The following SCG5 variants were observed in gnomAD, a reference collection of about 807,000 sequenced individuals.
SCG5 encodes the protein secretogranin V.
SCG5 carries 18 observed loss-of-function variants against 25.7 expected under a neutral mutation model. The ratio of observed to expected loss-of-function variants is 0.70; its 90% CI spans 0.48 to 1.04. The LOEUF (loss-of-function observed/expected upper bound fraction) is 1.04, where lower values mean the gene tolerates loss of function less well. Among genes scored for constraint, SCG5 ranks in the 50% least tolerant of loss-of-function variants. The pLI is 0.00. For synonymous variants in SCG5, 101 were observed against 91.7 expected (o/e 1.10, Z -0.58); for missense variants, 206 against 259.8 (o/e 0.79, Z 1.42).
chr15:32,661,568 C>T (rs1020700782), intron 2 of SCG5, among the ~76,000 whole-genome samples: 11 of 151,974 alleles, frequency 7.2e-5, no homozygotes, highest in Non-Finnish European at 1.2e-4. Flanking sequence ...TGCGGTGAGC[C>T]GAGATTGCAC....
chr15:32,678,111 G>T (rs1397184436), intron 2 of SCG5, among the ~76,000 whole-genome samples: 2 of 152,156 alleles, frequency 1.3e-5, no homozygotes, highest in Non-Finnish European at 2.9e-5. Flanking sequence ...AAAATTAAAA[G>T]AATGATCCAA....
At chr15:32,687,790 G>A (rs776694667) in intron 4 of SCG5, among the ~76,000 whole-genome samples, 7 of 151,976 alleles carry the variant, frequency 4.6e-5, no homozygotes, top group East Asian at 1.9e-4. Flanking sequence ...TTCTCTCTTC[G>A]TTAGTGCATC....
intron 2 of SCG5, among the ~76,000 whole-genome samples, chr15:32,657,220 T>TATATATATATATA (rs71113464): frequency 2.3e-4 from 24 of 106,536 alleles, no homozygotes; most frequent in Non-Finnish European, 3.7e-4. Context: ...TATGTATGTA[T>TATATATATATATA]TTCCAGGTGT....
At chr15:32,687,991 C>A (rs554349224) in intron 4 of SCG5, among the ~76,000 whole-genome samples, 3 of 152,278 alleles carry the variant, frequency 2.0e-5, no homozygotes, top group Admixed American at 1.3e-4. Flanking sequence ...TAATCTTATT[C>A]AATCTGCCCA....
Position 32,692,060 on chromosome 15 carries a change from T to TG in SCG5, c.543+303dup, listed in dbSNP as rs1021310256. The TG allele has an allele frequency of 7.3e-6, 9 of 1,240,630 alleles. No individual in the cohort carries two copies. In the African/African-American group the frequency reaches 9.3e-5, roughly 13 times the overall value. 76.9% of individuals were successfully genotyped at this position (1,240,630 alleles called of 1,614,324 possible). ...TTCCCCCATCAGTGTGGGACATATC[T>TG]GGGGGGACATGAGGGTCTGTCTGCC... On this transcript the variant is annotated intron_variant, in intron 5 of 5. Coordinates refer to ENST00000300175, the MANE Select transcript of SCG5 (RefSeq NM_001144757.3).
intron 2 of SCG5, among the ~76,000 whole-genome samples, chr15:32,668,589 C>G (rs537971664): frequency 1.3e-5 from 2 of 152,358 alleles, no homozygotes; most frequent in Non-Finnish European, 1.5e-5. Context: ...CCCTGCCACT[C>G]CCACCTCATC....
At position 32,646,636 on chromosome 15, in the gene SCG5, T is replaced by C. The variant is rs943528116; in HGVS notation, c.226+2818T>C. Among the ~76,000 whole-genome samples the C allele has an allele frequency of 4.6e-5, 7 of 152,216 alleles. No individual in the cohort carries two copies. In the East Asian group the frequency reaches 1.3e-3, roughly 29 times the overall value. The stretch of plus-strand genomic sequence containing the variant: ...GGAGTCTTCCTAGAATTGTATACTA[T>C]AGCTAGGATGAAAACTAACAAAGAA... On this transcript the variant is annotated intron_variant, in intron 2 of 5. Coordinates refer to ENST00000300175, the MANE Select transcript of SCG5 (RefSeq NM_001144757.3).
intron 5 of SCG5, 44 bp from the exon 6 acceptor site, chr15:32,696,470 C>T: frequency 7.4e-7 from 1 of 1,354,728 alleles, no homozygotes; most frequent in Non-Finnish European, 1.0e-6. Context: ...CTGATGTTCA[C>T]ATATAACACC....
chr15:32,648,266 G>A (rs892155615), intron 2 of SCG5, among the ~76,000 whole-genome samples: 3 of 152,034 alleles, frequency 2.0e-5, no homozygotes, highest in Non-Finnish European at 2.9e-5. Flanking sequence ...GCAATTTCCT[G>A]TCTGCTTCTC....
intron 2 of SCG5, among the ~76,000 whole-genome samples, chr15:32,671,016 G>A (rs1278696038): frequency 2.0e-5 from 3 of 152,210 alleles, no homozygotes; most frequent in African/African-American, 7.2e-5. Context: ...ACCAGGTACT[G>A]AGGTAAGCAT....
At chr15:32,656,776 G>A (rs916687891) in intron 2 of SCG5, among the ~76,000 whole-genome samples, 11 of 152,312 alleles carry the variant, frequency 7.2e-5, no homozygotes, top group African/African-American at 1.2e-4. Context: ...ACCACAGTTC[G>A]TAAAGAGAAC....
intron 2 of SCG5, among the ~76,000 whole-genome samples, chr15:32,673,515 G>T (rs2054475602): frequency 1.7e-5 from 2 of 114,452 alleles, no homozygotes; most frequent in South Asian, 3.0e-4. Context: ...ATCCACATTT[G>T]GATAAGATCC....
chr15:32,693,035 T>C (rs1278727145), intron 5 of SCG5, among the ~76,000 whole-genome samples: 1 of 152,154 alleles, frequency 6.6e-6, no homozygotes, highest in Non-Finnish European at 1.5e-5. Flanking sequence ...CCAAAGGGTA[T>C]AATGTGGTCT....
intron 2 of SCG5, among the ~76,000 whole-genome samples, chr15:32,663,656 C>G (rs1442940170): frequency 2.0e-5 from 3 of 152,150 alleles, no homozygotes; most frequent in African/African-American, 7.2e-5. Context: ...TCCAGGAATT[C>G]AAATATGGTA....
At chr15:32,692,183 G>A in intron 5 of SCG5, 3 of 1,015,764 alleles carry the variant, frequency 3.0e-6, no homozygotes, top group Non-Finnish European at 3.5e-6. Context: ...TGAACTGCAT[G>A]CTCCAGGAAA....
intron 3 of SCG5, among the ~76,000 whole-genome samples, chr15:32,683,966 A>G (rs1031830937): frequency 1.3e-5 from 2 of 152,224 alleles, no homozygotes; most frequent in African/African-American, 4.8e-5. Flanking sequence ...ACAAATAAAA[A>G]CATTGTATGG....
At chr15:32,676,376 C>T (rs2054530775) in intron 2 of SCG5, among the ~76,000 whole-genome samples, 1 of 152,190 alleles carries the variant, frequency 6.6e-6, no homozygotes, top group Non-Finnish European at 1.5e-5. Context: ...TTGCTTCCTT[C>T]ATTAATTACT....
chr15:32,691,774 C>G lies in SCG5; in HGVS notation c.543+11C>G. The G allele has an allele frequency of 6.2e-7, 1 of 1,611,892 alleles. No homozygotes were observed. Among genetic ancestry groups the G allele is most frequent in the South Asian group, 1.1e-5 (1 of 90,400 alleles). On this transcript the variant is annotated intron_variant, in intron 5 of 5. Coordinates refer to ENST00000300175, the MANE Select transcript of SCG5 (RefSeq NM_001144757.3). ...AGACGAAAGCGGAGGGTAACACGTG[C>G]CTGGCTGGATTGTTGCGGGGATGCT...
chr15:32,675,892 C>T (rs1326409371), intron 2 of SCG5, among the ~76,000 whole-genome samples: 1 of 152,136 alleles, frequency 6.6e-6, no homozygotes, highest in Non-Finnish European at 1.5e-5. Flanking sequence ...GTGCTCAATG[C>T]ATATTTTTAG....
Sources: gnomAD v4.1 joint callset for allele counts (sites outside exome capture counted in the v4.1 genomes callset) on GRCh38, gnomAD v4.1.1 for gene constraint, MANE v1.5 for transcripts, NCBI Gene and HGNC (gene_info 2026-07-23, HGNC 2026-07-21) for gene names.